The following INO80D variants were observed in gnomAD, a reference collection of about 807,000 sequenced individuals.
INO80D encodes INO80 complex subunit D.
Under a neutral mutation model 87.6 loss-of-function variants are expected in INO80D, and 21 were observed. The ratio of observed to expected loss-of-function variants is 0.24; its 90% CI spans 0.17 to 0.35. INO80D has a LOEUF of 0.35. Ranked by LOEUF, INO80D falls within the 10% of genes least tolerant of loss-of-function variation. The pLI, the probability that INO80D is intolerant of heterozygous loss-of-function variation, is 1.00. For missense variants in INO80D, 982 were observed against 1,280.7 expected (o/e 0.77, Z 3.56); for synonymous variants, 440 against 491.0 (o/e 0.90, Z 1.37).
intron 5 of INO80D, among the ~76,000 whole-genome samples, chr2:206,036,215 T>C (rs1688889435): frequency 6.6e-6 from 1 of 152,160 alleles, no homozygotes; most frequent in Admixed American, 6.5e-5. Context: ...AGAACTACCA[T>C]TTGATCCAGC....
At position 206,023,449 on chromosome 2, in the gene INO80D, C is replaced by T. The variant is rs557993208; in HGVS notation, c.1299-3604G>A. 2.4e-4 allele frequency among the ~76,000 whole-genome samples: 37 copies of T among 151,848 alleles called. No individual in the cohort carries two copies. The South Asian group carries it at 6.9e-3, about 28-fold the overall frequency. ...CTGTAATCCTACCACTTTGGGAGGC[C>T]GGGGGAGGCAGATCACGAGGTCAGG... On this transcript the variant is annotated intron_variant, in intron 6 of 10. Coordinates refer to ENST00000403263, the MANE Select transcript of INO80D (RefSeq NM_017759.5).
chr2:206,017,188 T>A (rs1688341232), intron 8 of INO80D, among the ~76,000 whole-genome samples: 1 of 152,216 alleles, frequency 6.6e-6, no homozygotes, highest in South Asian at 2.1e-4. Flanking sequence ...TATCTCACTT[T>A]CTAGTACATA....
intron 5 of INO80D, chr2:206,040,747 G>A (rs1689026128): frequency 7.0e-6 from 2 of 286,096 alleles, no homozygotes; most frequent in African/African-American, 2.2e-5. Context: ...CAGAGATCCT[G>A]CTCTTAAACA....
chr2:206,060,866 T>C (rs1689671672), intron 3 of INO80D, among the ~76,000 whole-genome samples: 2 of 151,548 alleles, frequency 1.3e-5, no homozygotes, highest in Admixed American at 1.3e-4. Context: ...GGCAACTTAG[T>C]ACTTATTAAG....
At chr2:206,017,168 G>C (rs1049457416) in intron 8 of INO80D, among the ~76,000 whole-genome samples, 1 of 152,184 alleles carries the variant, frequency 6.6e-6, no homozygotes, top group African/African-American at 2.4e-5. Context: ...TGTTTATAGA[G>C]GGCAGGAAGT....
At chr2:206,075,949 G>A (rs1300956587) in intron 1 of INO80D, among the ~76,000 whole-genome samples, 1 of 151,682 alleles carries the variant, frequency 6.6e-6, no homozygotes, top group African/African-American at 2.4e-5. Flanking sequence ...GTACTCTGGA[G>A]GCTGAGACAG....
chr2:206,053,380 T>C (rs818007), intron 4 of INO80D, among the ~76,000 whole-genome samples: 50,654 of 152,040 alleles, frequency 0.33, 9,019 homozygotes, highest in South Asian at 0.58. Context: ...CAAAACAGCA[T>C]GTATAGTAAG....
At chr2:206,019,660 G>C in intron 7 of INO80D, 76 bp downstream of exon 7, 1 of 986,414 alleles carries the variant, frequency 1.0e-6, no homozygotes, top group Non-Finnish European at 1.5e-6. Flanking sequence ...TCATTCACTT[G>C]AATTAAAAAT....
At chr2:206,024,159 A>G (rs1688540839) in intron 6 of INO80D, among the ~76,000 whole-genome samples, 2 of 152,196 alleles carry the variant, frequency 1.3e-5, no homozygotes, top group South Asian at 4.1e-4. Flanking sequence ...AACTGAGTAA[A>G]TTCCTTCAAC....
At chr2:206,060,686 G>T (rs1307315462) in intron 3 of INO80D, among the ~76,000 whole-genome samples, 1 of 151,154 alleles carries the variant, frequency 6.6e-6, no homozygotes, top group Non-Finnish European at 1.5e-5. Context: ...TCAGTCTCCC[G>T]AGCAGCTGGG....
chr2:206,020,993 G>A (rs1310580452), intron 6 of INO80D, among the ~76,000 whole-genome samples: 2 of 151,866 alleles, frequency 1.3e-5, no homozygotes, highest in South Asian at 2.1e-4. Context: ...GCAACATAGG[G>A]AGATCCCCAT....
intron 5 of INO80D, among the ~76,000 whole-genome samples, chr2:206,035,228 T>C (rs1688861779): frequency 6.6e-6 from 1 of 152,004 alleles, no homozygotes; most frequent in African/African-American, 2.4e-5. Flanking sequence ...CTTCACAAAA[T>C]TAGAAAAAAC....
chr2:206,021,011 G>GA (rs1423369040), intron 6 of INO80D, among the ~76,000 whole-genome samples: 2 of 151,118 alleles, frequency 1.3e-5, no homozygotes, highest in Non-Finnish European at 2.9e-5. Context: ...CATCTCTATT[G>GA]AAAAAAAGAA....
intron 6 of INO80D, among the ~76,000 whole-genome samples, chr2:206,022,336 C>T (rs981537230): frequency 1.3e-5 from 2 of 151,938 alleles, no homozygotes; most frequent in African/African-American, 2.4e-5. Flanking sequence ...CATTGCACTC[C>T]AGCCTGGGCA....
intron 5 of INO80D, among the ~76,000 whole-genome samples, chr2:206,032,361 A>C (rs764310842): frequency 2.0e-5 from 3 of 152,158 alleles, no homozygotes; most frequent in Non-Finnish European, 2.9e-5. Flanking sequence ...GTGGGAGTGA[A>C]ACCAGCCCCT....
At chr2:206,026,242 A>G (rs1178063662) in intron 6 of INO80D, among the ~76,000 whole-genome samples, 2 of 152,046 alleles carry the variant, frequency 1.3e-5, no homozygotes, top group Non-Finnish European at 2.9e-5. Flanking sequence ...TTAAATGTGT[A>G]TTTCAGTTAA....
chr2:206,020,309 T>C (rs1370854584), intron 6 of INO80D, among the ~76,000 whole-genome samples: 2 of 152,156 alleles, frequency 1.3e-5, no homozygotes, highest in African/African-American at 2.4e-5. Context: ...GCTGGCAGGG[T>C]TGTTGGGAGC....
At chr2:206,069,450 A>G (rs910699176) in intron 1 of INO80D, among the ~76,000 whole-genome samples, 4 of 152,194 alleles carry the variant, frequency 2.6e-5, no homozygotes, top group African/African-American at 9.6e-5. Flanking sequence ...TTGGGTAGTC[A>G]AAAGTTCTAA....
At chr2:206,024,731 T>C (rs1248004237) in intron 6 of INO80D, among the ~76,000 whole-genome samples, 1 of 152,148 alleles carries the variant, frequency 6.6e-6, no homozygotes, top group Non-Finnish European at 1.5e-5. Flanking sequence ...ATAAAGGTTA[T>C]ATTTTAACAC....
Sources: allele counts gnomAD v4.1 joint callset (sites outside exome capture counted in the v4.1 genomes callset), GRCh38; gene constraint gnomAD v4.1.1; transcripts MANE v1.5; gene names NCBI Gene and HGNC (gene_info 2026-07-23, HGNC 2026-07-21).